The following CACNA1C variants were observed in gnomAD, a reference collection of about 807,000 sequenced individuals.
The protein encoded by CACNA1C is calcium voltage-gated channel subunit alpha1 C, also known as voltage-dependent L-type calcium channel subunit alpha-1C.
CACNA1C carries 30 observed loss-of-function variants against 229.0 expected under a neutral mutation model. The ratio of observed to expected loss-of-function variants is 0.13; its 90% CI spans 0.10 to 0.18. The LOEUF (loss-of-function observed/expected upper bound fraction) is 0.18. CACNA1C is among the 10% of genes least tolerant of loss of function. The probability of loss-of-function intolerance (pLI) is 1.00; values close to 1 mark genes in which losing one functional copy is unlikely to be tolerated. For missense variants in CACNA1C, 1,658 were observed against 2,845.0 expected (o/e 0.58, Z 9.49); for synonymous variants, 1,114 against 1,132.5 (o/e 0.98, Z 0.33).
intron 3 of CACNA1C, among the ~76,000 whole-genome samples, chr12:2,295,361 A>T (rs1261119713): frequency 1.3e-5 from 2 of 152,202 alleles, no homozygotes; most frequent in African/African-American, 2.4e-5. Flanking sequence ...CATTCAAACC[A>T]AACTTCCTTC....
chr12:1,996,260 A>G (rs1042502001), intron 1 of CACNA1C, among the ~76,000 whole-genome samples: 2 of 152,166 alleles, frequency 1.3e-5, no homozygotes, highest in Non-Finnish European at 2.9e-5. Context: ...TAAGCCTTCA[A>G]TAACTTCCTA....
chr12:1,991,254 A>G (rs1300588072), intron 1 of CACNA1C: 1 of 456,062 alleles, frequency 2.2e-6, no homozygotes, highest in South Asian at 1.6e-5. Flanking sequence ...CATCTGCAAA[A>G]TGGCAATGAA....
chr12:2,385,879 G>A (rs2098377020), intron 3 of CACNA1C, among the ~76,000 whole-genome samples: 1 of 152,214 alleles, frequency 6.6e-6, no homozygotes. Context: ...GGCCAGTGGT[G>A]TCCTACAGCT....
intron 1 of CACNA1C, among the ~76,000 whole-genome samples, chr12:2,005,196 CT>C (rs1298846024): frequency 6.6e-6 from 1 of 151,520 alleles, no homozygotes; most frequent in African/African-American, 2.4e-5. Context: ...TGATGGTGTT[CT>C]TGATAAGCAG....
At chr12:2,308,213 A>T (rs1035597400) in intron 3 of CACNA1C, among the ~76,000 whole-genome samples, 1 of 152,248 alleles carries the variant, frequency 6.6e-6, no homozygotes, top group Non-Finnish European at 1.5e-5. Context: ...TTTAATGTGG[A>T]TAACATGTAG....
At chr12:2,638,364 C>G (rs2093157580) in intron 30 of CACNA1C, among the ~76,000 whole-genome samples, 1 of 152,014 alleles carries the variant, frequency 6.6e-6, no homozygotes. Flanking sequence ...GAAGAGGTAG[C>G]AGGGCAGGAG....
intron 27 of CACNA1C, 100 bp from the exon 28 acceptor site, chr12:2,610,439 CCA>C: frequency 8.3e-7 from 1 of 1,202,540 alleles, no homozygotes; most frequent in Non-Finnish European, 1.2e-6. Flanking sequence ...GAACCCCACC[CCA>C]CAGTGTGTGG....
rs1402346528 is a variant in CACNA1C at position 2,276,204 on chromosome 12, C to G, written c.477+155774C>G. Among the ~76,000 whole-genome samples the G allele has an allele frequency of 2.0e-5, 3 of 152,118 alleles. No individual in the cohort carries two copies. The East Asian group carries it at 5.8e-4, about 29-fold the overall frequency. On this transcript the variant is annotated intron_variant, in intron 3 of 46. Transcript: ENST00000399655. ...ACATAGGCAAGGATATGCTTAAGAACTACTGTTGGTTGGCTCCAGGTCTGG... is the reference window on the plus strand; with the variant it reads ...ACATAGGCAAGGATATGCTTAAGAAGTACTGTTGGTTGGCTCCAGGTCTGG...
At chr12:2,263,460 G>A (rs2081148603) in intron 3 of CACNA1C, among the ~76,000 whole-genome samples, 1 of 152,124 alleles carries the variant, frequency 6.6e-6, no homozygotes, top group South Asian at 2.1e-4. Flanking sequence ...GGTGAAGTGT[G>A]AAGCTAGTGG....
chr12:2,038,488 T>C (rs924127852), intron 1 of CACNA1C, among the ~76,000 whole-genome samples: 3 of 152,232 alleles, frequency 2.0e-5, no homozygotes, highest in Non-Finnish European at 1.5e-5. Context: ...TTCTTAGTGC[T>C]GCTTCTCAGA....
chr12:2,516,506 C>G (rs542769970), intron 9 of CACNA1C, among the ~76,000 whole-genome samples: 2 of 152,282 alleles, frequency 1.3e-5, no homozygotes, highest in African/African-American at 2.4e-5. Flanking sequence ...GGCAGGGGTC[C>G]CGTCAGGTGC....
At chr12:2,268,700 G>A (rs963293359) in intron 3 of CACNA1C, among the ~76,000 whole-genome samples, 3 of 152,154 alleles carry the variant, frequency 2.0e-5, no homozygotes, top group African/African-American at 4.8e-5. Context: ...ACCAAACCAC[G>A]GGAAGGGCTC....
At chr12:2,347,526 G>C (rs747758258) in intron 3 of CACNA1C, among the ~76,000 whole-genome samples, 32 of 152,202 alleles carry the variant, frequency 2.1e-4, no homozygotes, top group Non-Finnish European at 4.1e-4. Context: ...AAGTTGGCAG[G>C]CTCTAGGCCT....
chr12:2,026,368 A>C (rs958359722), intron 1 of CACNA1C, among the ~76,000 whole-genome samples: 4 of 152,202 alleles, frequency 2.6e-5, no homozygotes, highest in African/African-American at 9.7e-5. Flanking sequence ...TCTGTGTATT[A>C]GAATGATGAG....
chr12:2,234,124 G>A (rs1299706175), intron 3 of CACNA1C, among the ~76,000 whole-genome samples: 2 of 152,190 alleles, frequency 1.3e-5, no homozygotes, highest in Non-Finnish European at 2.9e-5. Context: ...AGCAAGGAGT[G>A]TTCTGCTGGA....
chr12:2,092,230 C>A (rs1471681990), intron 1 of CACNA1C, among the ~76,000 whole-genome samples: 2 of 152,224 alleles, frequency 1.3e-5, no homozygotes, highest in African/African-American at 2.4e-5. Context: ...CCAGCCCCTA[C>A]ATAAAGCATC....
At chr12:2,478,431 C>A (rs898862399) in intron 5 of CACNA1C, among the ~76,000 whole-genome samples, 9 of 152,150 alleles carry the variant, frequency 5.9e-5, no homozygotes, top group African/African-American at 1.9e-4. Flanking sequence ...GTTAGAAATG[C>A]AAACTCATTC....
At position 2,416,323 on chromosome 12, in the gene CACNA1C, C is replaced by T. The variant is rs114202369; in HGVS notation, c.478-32653C>T. On this transcript the variant is annotated intron_variant, in intron 3 of 46. Transcript: ENST00000399655. ...ATCAGGCACATTGGAGATGCTCTAT[C>T]GGAAAGGAAAAGGAATGAAAGAATG... Among the ~76,000 whole-genome samples, 917 of 149,476 alleles carry T rather than the reference C, an allele frequency of 6.1e-3. 17 individuals carry two copies. The highest frequency in any genetic ancestry group is 0.022 in the African/African-American group (888 of 40,292).
At chr12:2,076,995 G>A (rs558411259) in intron 1 of CACNA1C, among the ~76,000 whole-genome samples, 1 of 152,208 alleles carries the variant, frequency 6.6e-6, no homozygotes, top group Admixed American at 6.5e-5. Flanking sequence ...CGCCATGCTG[G>A]GCTCACTAGC....
Sources: allele counts gnomAD v4.1 joint callset (sites outside exome capture counted in the v4.1 genomes callset), GRCh38; gene constraint gnomAD v4.1.1; transcripts MANE v1.5; gene names NCBI Gene and HGNC (gene_info 2026-07-23, HGNC 2026-07-21).